SLC7A6OS: variants seen among roughly 807,000 people sequenced by gnomAD.
SLC7A6OS encodes probable RNA polymerase II nuclear localization protein SLC7A6OS.
Under a neutral mutation model 34.3 loss-of-function variants are expected in SLC7A6OS, and 22 were observed. That is an observed-to-expected ratio of 0.64 (90% confidence interval 0.46 to 0.92). The LOEUF is 0.92. Among genes scored for constraint, SLC7A6OS ranks in the 40% least tolerant of loss-of-function variants. The probability of loss-of-function intolerance (pLI) is 0.00; values close to 1 mark genes in which losing one functional copy is unlikely to be tolerated. For missense variants in SLC7A6OS, 434 were observed against 407.7 expected, an observed-to-expected ratio of 1.06 and a Z score of -0.56; for synonymous variants, 199 against 165.0, an observed-to-expected ratio of 1.21 and a Z score of -1.58.
At position 68,310,687 on chromosome 16, in the gene SLC7A6OS, GGCTGCACCCGAAGATGCCCTCCACACCA is replaced by G. The variant is rs752542013; in HGVS notation, c.192+20_192+47del. 1.0e-5 allele frequency: 16 copies of G among 1,580,780 alleles called. No homozygotes were observed. Among genetic ancestry groups the G allele is most frequent in the Non-Finnish European group, 1.3e-5 (15 of 1,159,322 alleles). ...CGGGTCAGGGATCGGGTTTCGTACC[GGCTGCACCCGAAGATGCCCTCCACACCA>G]GCTGCACCACGCCCAATACCTGGGA... is the stretch of plus-strand genomic sequence containing the variant. On this transcript the variant is annotated intron_variant, in intron 1 of 4. Coordinates refer to ENST00000263997, the MANE Select transcript of SLC7A6OS (RefSeq NM_032178.3).
chr16:68,306,125 C>A (rs1027455582), intron 2 of SLC7A6OS, among the ~76,000 whole-genome samples: 2 of 152,176 alleles, frequency 1.3e-5, no homozygotes, highest in African/African-American at 4.8e-5. Context: ...AGGAAATAAA[C>A]CAGTTCTATT....
chr16:68,305,032 G>GA (rs1037460190), intron 2 of SLC7A6OS, among the ~76,000 whole-genome samples: 6 of 151,818 alleles, frequency 4.0e-5, no homozygotes, highest in African/African-American at 1.2e-4. Flanking sequence ...AACAATGAAA[G>GA]AAAAAAAATA....
chr16:68,302,953 C>T (rs1240259119), intron 3 of SLC7A6OS, among the ~76,000 whole-genome samples: 5 of 152,176 alleles, frequency 3.3e-5, no homozygotes, highest in Admixed American at 3.3e-4. Flanking sequence ...CTTAAGTTTT[C>T]TTGTTAAGCA....
intron 2 of SLC7A6OS, 35 bp from the exon 3 acceptor site, chr16:68,304,267 G>T: frequency 1.9e-6 from 3 of 1,572,292 alleles, no homozygotes; most frequent in South Asian, 2.2e-5. Flanking sequence ...ACACACGCAT[G>T]ACCCAAAACA....
At position 68,300,085 on chromosome 16, in the gene SLC7A6OS, C is replaced by T. The variant is rs1431223638; in HGVS notation, c.*1190G>A. ...GAGACACTCACAGGCTATGAGGGTA[C>T]ACCCCTAGCTGAATGTTCTGTGTTG... On this transcript the variant is annotated 3_prime_UTR_variant, in exon 5 of 5. Coordinates refer to ENST00000263997, the MANE Select transcript of SLC7A6OS (RefSeq NM_032178.3). 1 of 152,210 alleles carries T rather than the reference C, an allele frequency of 6.6e-6. No individual in the cohort carries two copies. The highest frequency in any genetic ancestry group is 1.5e-5 in the Non-Finnish European group (1 of 68,042). The allele number at this position is 152,210 out of a possible 1,614,324, so 9.4% of individuals were successfully genotyped here. A position where few individuals can be genotyped will look rare whatever the true frequency, so the allele number is the denominator to read the frequency against.
chr16:68,307,351 C>T lies in SLC7A6OS; in HGVS notation c.471+2984G>A, dbSNP rs1385852745. ...GCTGTTTGCTTCTGCTGAATTATCTCCCTAGGATAAATCTTGGAGGTGAGA... is the reference window on the plus strand; with the variant it reads ...GCTGTTTGCTTCTGCTGAATTATCTTCCTAGGATAAATCTTGGAGGTGAGA... On this transcript the variant is annotated intron_variant, in intron 2 of 4. Coordinates refer to ENST00000263997, the MANE Select transcript of SLC7A6OS (RefSeq NM_032178.3). Among the ~76,000 whole-genome samples, 4 of 152,236 alleles carry T rather than the reference C, an allele frequency of 2.6e-5. No homozygotes were observed. In the East Asian group the frequency reaches 7.7e-4, roughly 29 times the overall value.
chr16:68,304,317 A>G, intron 2 of SLC7A6OS, 85 bp from the exon 3 acceptor site: 1 of 1,244,570 alleles, frequency 8.0e-7, no homozygotes. Flanking sequence ...TGGGTGAAGG[A>G]AGGCTCCCTA....
intron 4 of SLC7A6OS, 58 bp from the exon 5 acceptor site, chr16:68,301,463 GCC>G: frequency 6.7e-7 from 1 of 1,500,156 alleles, no homozygotes. Flanking sequence ...TACTGCAGGA[GCC>G]CCTTCTCTTC....
At chr16:68,302,275 C>T (rs550210416) in intron 4 of SLC7A6OS, 106 bp downstream of exon 4, 45 of 1,376,644 alleles carry the variant, frequency 3.3e-5, no homozygotes, top group East Asian at 1.4e-4. Flanking sequence ...GGGCTGCTGG[C>T]GCTCAATGAC....
intron 2 of SLC7A6OS, among the ~76,000 whole-genome samples, chr16:68,306,888 G>A (rs1196117041): frequency 6.6e-6 from 1 of 152,072 alleles, no homozygotes; most frequent in East Asian, 1.9e-4. Flanking sequence ...TGTCGCCCAG[G>A]CTGGAGGGCA....
At chr16:68,310,675 G>A in intron 1 of SLC7A6OS, 60 bp downstream of exon 1, 3 of 1,580,684 alleles carry the variant, frequency 1.9e-6, no homozygotes, top group Non-Finnish European at 2.6e-6. Flanking sequence ...GTCAGGGATC[G>A]GGTTTCGTAC....
intron 3 of SLC7A6OS, among the ~76,000 whole-genome samples, chr16:68,303,356 G>A (rs1242421382): frequency 6.6e-6 from 1 of 151,624 alleles, no homozygotes; most frequent in East Asian, 1.9e-4. Flanking sequence ...TGGATCACTT[G>A]AGCCCAGGAG....
intron 4 of SLC7A6OS, 47 bp downstream of exon 4, chr16:68,302,334 C>T (rs1228269027): frequency 6.2e-7 from 1 of 1,609,192 alleles, no homozygotes; most frequent in Middle Eastern, 1.7e-4. Flanking sequence ...GCCTGCACCT[C>T]AGTCTCAGAT....
rs1300352556 is a variant in SLC7A6OS, at chr16:68,301,058, T to C, written c.*217A>G. On this transcript the variant is annotated 3_prime_UTR_variant, in exon 5 of 5. Transcript: ENST00000263997. ...TTTTCTTTCAAACTGTAGGGTCACT[T>C]TTGATTGAGGCAAAGGGGTCCTACT... 8 of 1,223,390 alleles carry C rather than the reference T, an allele frequency of 6.5e-6. No individual in the cohort carries two copies. The highest frequency in any genetic ancestry group is 1.6e-5 in the African/African-American group (1 of 64,270). The allele number at this position is 1,223,390 out of a possible 1,614,324, so 75.8% of individuals were successfully genotyped here.
chr16:68,307,065 ACAAT>A (rs1415732768), intron 2 of SLC7A6OS, among the ~76,000 whole-genome samples: 1 of 152,172 alleles, frequency 6.6e-6, no homozygotes, highest in Non-Finnish European at 1.5e-5. Context: ...ATTTTCGCCC[ACAAT>A]CAGTTTTCAT....
rs2151236571 is a variant in SLC7A6OS at position 68,299,349 on chromosome 16, T to G, written c.*1926A>C. The G allele has an allele frequency of 6.5e-6, 1 of 152,784 alleles. No homozygotes were observed. The highest frequency in any genetic ancestry group is 2.4e-5 in the African/African-American group (1 of 41,586). The allele number at this position is 152,784 out of a possible 1,614,324, so 9.5% of individuals were successfully genotyped here. ...TTCTAGGGAAAGCAAGGACCTCACA[T>G]GCCAGGTGCCCTAGTACTTGCTTAG... On this transcript the variant is annotated 3_prime_UTR_variant, in exon 5 of 5. Coordinates refer to ENST00000263997, the MANE Select transcript of SLC7A6OS (RefSeq NM_032178.3).
rs768430328 is a variant in SLC7A6OS at position 68,310,536 on chromosome 16, G to A, written c.270C>T (p.Leu90=). 23 of 1,583,538 alleles carry A rather than the reference G, an allele frequency of 1.5e-5. No homozygotes were observed. In the South Asian group the frequency reaches 2.3e-4, roughly 16 times the overall value. The change falls in exon 2 of 5, where the codon CTC becomes CTT. Residue 90 remains leucine (L), a synonymous_variant. Transcript: ENST00000263997. ...RDSQQRVRRN[L]RASAREVRQE... The stretch of plus-strand genomic sequence containing the variant: ...GCCGGACCTCCCGAGCCGAGGCGCG[G>A]AGATTACGGCGGACACGCTGCTGGC...
intron 2 of SLC7A6OS, among the ~76,000 whole-genome samples, chr16:68,308,574 C>T (rs1657571509): frequency 6.6e-6 from 1 of 151,962 alleles, no homozygotes; most frequent in Non-Finnish European, 1.5e-5. Flanking sequence ...CTGCGGTGAG[C>T]CGAGATCGCG....
Position 68,304,057 on chromosome 16 carries a change from G to A in SLC7A6OS, c.647C>T (p.Ser216Phe), listed in dbSNP as rs907076824. Residue 216 changes from serine (S) to phenylalanine (F), a missense_variant, in exon 3 of 5, where the codon TCC (serine) becomes TTC (phenylalanine). Coordinates refer to ENST00000263997, the MANE Select transcript of SLC7A6OS (RefSeq NM_032178.3). ...CCATTCTTGGCTGTAGGGCTGCACG[G>A]AGAGGATGTTCTCAATCCAGCCTGG... ...ATPGWIENIL[S>F]VQPYSQEWEL... 1 of 1,613,878 alleles carries A rather than the reference G, an allele frequency of 6.2e-7. No homozygotes were observed. Among genetic ancestry groups the A allele is most frequent in the Non-Finnish European group, 8.5e-7 (1 of 1,179,930 alleles).
Sources: gnomAD v4.1 joint callset for allele counts (sites outside exome capture counted in the v4.1 genomes callset) on GRCh38, gnomAD v4.1.1 for gene constraint, MANE v1.5 for transcripts, NCBI Gene and HGNC (gene_info 2026-07-23, HGNC 2026-07-21) for gene names.